Variants in PDE7B observed in about 807,000 individuals in gnomAD.
PDE7B encodes phosphodiesterase 7B, also known as 3',5'-cyclic-AMP phosphodiesterase 7B.
Under a neutral mutation model 56.2 loss-of-function variants are expected in PDE7B, and 29 were observed. The ratio of observed to expected loss-of-function variants is 0.52; its 90% confidence interval spans 0.38 to 0.70. PDE7B has a LOEUF of 0.70. Among genes scored for constraint, PDE7B ranks in the 30% least tolerant of loss-of-function variants. The probability of loss-of-function intolerance (pLI) is 0.00; values close to 1 mark genes in which losing one functional copy is unlikely to be tolerated. For missense variants in PDE7B, 490 were observed against 565.0 expected (o/e 0.87, Z 1.35); for synonymous variants, 197 against 196.9 (o/e 1.00, Z 0.00).
intron 2 of PDE7B, among the ~76,000 whole-genome samples, chr6:135,998,704 C>T (rs1412282988): frequency 2.0e-5 from 3 of 151,294 alleles, no homozygotes; most frequent in Admixed American, 6.6e-5. Context: ...TGCAGTGAGC[C>T]GAGATGGCGC....
chr6:136,155,078 T>C (rs1381691992), intron 7 of PDE7B, among the ~76,000 whole-genome samples: 1 of 152,240 alleles, frequency 6.6e-6, no homozygotes, highest in Non-Finnish European at 1.5e-5. Flanking sequence ...GTGTCTCTGC[T>C]TATTTTCCTA....
chr6:135,988,429 T>C (rs1239235977), intron 2 of PDE7B, among the ~76,000 whole-genome samples: 1 of 152,212 alleles, frequency 6.6e-6, no homozygotes, highest in East Asian at 1.9e-4. Context: ...AATGGAAATA[T>C]TTAAATTAGA....
intron 2 of PDE7B, among the ~76,000 whole-genome samples, chr6:135,955,066 A>G (rs1426688598): frequency 6.6e-6 from 1 of 152,114 alleles, no homozygotes; most frequent in Non-Finnish European, 1.5e-5. Context: ...AAGGGAATTC[A>G]ATGAGACCTA....
intron 3 of PDE7B, among the ~76,000 whole-genome samples, chr6:136,139,438 A>G (rs925259407): frequency 1.3e-5 from 2 of 152,158 alleles, no homozygotes; most frequent in African/African-American, 4.8e-5. Flanking sequence ...ATACGTGTGC[A>G]TGTGTCTTTA....
intron 3 of PDE7B, among the ~76,000 whole-genome samples, chr6:136,123,488 A>G (rs558698400): frequency 1.3e-5 from 2 of 152,240 alleles, no homozygotes; most frequent in African/African-American, 4.8e-5. Flanking sequence ...ACAGGCAAAT[A>G]GATTATAACA....
chr6:136,083,633 G>T (rs1327605088), intron 2 of PDE7B, among the ~76,000 whole-genome samples: 1 of 152,128 alleles, frequency 6.6e-6, no homozygotes, highest in Non-Finnish European at 1.5e-5. Context: ...CAATGGTTTG[G>T]AAAAGATATT....
intron 2 of PDE7B, chr6:136,046,302 T>C (rs995578285): frequency 6.6e-6 from 1 of 152,176 alleles, no homozygotes; most frequent in Admixed American, 6.5e-5. Context: ...GATTTCAAGT[T>C]TGCGCACTCA....
chr6:135,911,235 G>A (rs1389777284), intron 1 of PDE7B, among the ~76,000 whole-genome samples: 1 of 152,124 alleles, frequency 6.6e-6, no homozygotes, highest in African/African-American at 2.4e-5. Context: ...GAAAATTCTA[G>A]GTGATCCATT....
intron 2 of PDE7B, among the ~76,000 whole-genome samples, chr6:135,978,439 T>C (rs1775230131): frequency 6.6e-6 from 1 of 152,140 alleles, no homozygotes; most frequent in South Asian, 2.1e-4. Flanking sequence ...TTCTGTAGTC[T>C]TTATAAACAC....
intron 2 of PDE7B, among the ~76,000 whole-genome samples, chr6:135,998,829 C>T (rs6570060): frequency 0.052 from 7,874 of 151,086 alleles, 623 homozygotes; most frequent in African/African-American, 0.17. Flanking sequence ...ACAATTTTCA[C>T]TCTTTTTCCA....
At position 135,990,109 on chromosome 6, in the gene PDE7B, T is replaced by C. The variant is rs188988066; in HGVS notation, c.82+42585T>C. Among the ~76,000 whole-genome samples the C allele has an allele frequency of 1.6e-3, 238 of 151,176 alleles. 1 individual carries two copies. The East Asian group carries it at 0.027, about 17-fold the overall frequency. ...TTTGGGGTTTTTTTGTTTTTTTTTTTTTTTGAGACAGAGTCTCGCTCTATC... is the reference window on the plus strand; with the variant it reads ...TTTGGGGTTTTTTTGTTTTTTTTTTCTTTTGAGACAGAGTCTCGCTCTATC... On this transcript the variant is annotated intron_variant, in intron 2 of 12. Coordinates refer to ENST00000308191, the MANE Select transcript of PDE7B (RefSeq NM_018945.4).
At chr6:135,992,307 G>A (rs1239901111) in intron 2 of PDE7B, among the ~76,000 whole-genome samples, 1 of 152,050 alleles carries the variant, frequency 6.6e-6, no homozygotes, top group Non-Finnish European at 1.5e-5. Flanking sequence ...GCTGCATGCA[G>A]CCCTTGGGCC....
intron 3 of PDE7B, among the ~76,000 whole-genome samples, chr6:136,120,424 G>T (rs1289972432): frequency 6.6e-6 from 1 of 152,082 alleles, no homozygotes. Flanking sequence ...ATGGTGAGAA[G>T]GATCTAGTTG....
At chr6:136,184,671 C>T (rs1779117470) in intron 11 of PDE7B, among the ~76,000 whole-genome samples, 1 of 152,020 alleles carries the variant, frequency 6.6e-6, no homozygotes, top group South Asian at 2.1e-4. Context: ...TTGTGGAGGC[C>T]CCTGGGCACC....
chr6:136,146,035 T>C (rs1048943285), intron 3 of PDE7B, among the ~76,000 whole-genome samples: 2 of 152,202 alleles, frequency 1.3e-5, no homozygotes, highest in African/African-American at 4.8e-5. Context: ...AGCCTGCCCT[T>C]GAATTATGCC....
intron 1 of PDE7B, among the ~76,000 whole-genome samples, chr6:135,879,093 C>T (rs1775556512): frequency 6.6e-6 from 1 of 151,976 alleles, no homozygotes; most frequent in African/African-American, 2.4e-5. Context: ...TTTCAAATCA[C>T]ACATTTAAAA....
chr6:135,996,914 T>C (rs538550619), intron 2 of PDE7B, among the ~76,000 whole-genome samples: 1 of 152,226 alleles, frequency 6.6e-6, no homozygotes, highest in South Asian at 2.1e-4. Flanking sequence ...ATTAGTCACA[T>C]TAAATTTGAG....
At chr6:136,127,685 A>C (rs975027013) in intron 3 of PDE7B, among the ~76,000 whole-genome samples, 2 of 152,172 alleles carry the variant, frequency 1.3e-5, no homozygotes, top group Admixed American at 6.5e-5. Context: ...AATTCGATAT[A>C]ATTAGAAATC....
intron 2 of PDE7B, among the ~76,000 whole-genome samples, 164 bp from the exon 3 acceptor site, chr6:136,108,557 AACCTCATTAC>A (rs1777691341): frequency 6.6e-6 from 1 of 152,178 alleles, no homozygotes; most frequent in Non-Finnish European, 1.5e-5. Context: ...GTGTATTGCC[AACCTCATTAC>A]ACTCAGTATT....
Sources: gnomAD v4.1 joint callset for allele counts (sites outside exome capture counted in the v4.1 genomes callset) on GRCh38, gnomAD v4.1.1 for gene constraint, MANE v1.5 for transcripts, NCBI Gene and HGNC (gene_info 2026-07-23, HGNC 2026-07-21) for gene names.